Variants in MICAL2 observed in about 807,000 individuals in gnomAD.
MICAL2 encodes [F-actin]-monooxygenase MICAL2.
In MICAL2, 77 loss-of-function variants were observed where a neutral mutation model predicts 127.3. The observed-to-expected ratio is 0.60, with a 90% confidence interval of 0.50 to 0.73. The LOEUF is 0.73. MICAL2 is among the 30% of genes least tolerant of loss of function. The pLI is 0.00. For synonymous variants in MICAL2, 570 were observed against 551.1 expected, an observed-to-expected ratio of 1.03 and a Z score of -0.48; for missense variants, 1,351 against 1,434.4, an observed-to-expected ratio of 0.94 and a Z score of 0.94.
chr11:12,350,073 T>G, intron 33 of MICAL2: 1 of 635,636 alleles, frequency 1.6e-6, no homozygotes, highest in Non-Finnish European at 2.8e-6. Flanking sequence ...AATTGATATT[T>G]TATGTCTTGC....
At chr11:12,322,935 G>A (rs1056277265) in intron 30 of MICAL2, among the ~76,000 whole-genome samples, 2 of 152,058 alleles carry the variant, frequency 1.3e-5, no homozygotes, top group African/African-American at 4.8e-5. Flanking sequence ...TACAAAGTAG[G>A]CAGTAAATTC....
downstream of MICAL2, among the ~76,000 whole-genome samples, chr11:12,264,404 C>T (rs898962166): frequency 1.3e-5 from 2 of 152,162 alleles, no homozygotes; most frequent in African/African-American, 4.8e-5. Context: ...TAGCACCACC[C>T]GAAGTATAGT....
chr11:12,346,513 C>G (rs746203764), intron 32 of MICAL2, among the ~76,000 whole-genome samples: 1 of 152,220 alleles, frequency 6.6e-6, no homozygotes, highest in Non-Finnish European at 1.5e-5. Flanking sequence ...GTACATACTT[C>G]ATTCTTTCAT....
intron 1 of MICAL2, among the ~76,000 whole-genome samples, chr11:12,117,993 G>C (rs116000733): frequency 6.6e-6 from 1 of 152,296 alleles, no homozygotes; most frequent in South Asian, 2.1e-4. Context: ...GGTCCATGTC[G>C]GGAGAGCTTC....
chr11:12,219,528 CAAAAAAAAAAA>C (rs11316414), intron 8 of MICAL2, among the ~76,000 whole-genome samples: 8 of 48,606 alleles, frequency 1.6e-4, no homozygotes, highest in Admixed American at 2.9e-4. Flanking sequence ...AACTCCATCT[CAAAAAAAAAAA>C]AAAAAAAAAA....
At chr11:12,294,220 G>T, downstream of MICAL2, 1 of 1,614,056 alleles carries the variant, frequency 6.2e-7, no homozygotes, top group East Asian at 2.2e-5. Context: ...AGCGAAACGT[G>T]CCTCCACCCA....
chr11:12,229,582 A>G (rs897895234), intron 15 of MICAL2, among the ~76,000 whole-genome samples: 1 of 152,168 alleles, frequency 6.6e-6, no homozygotes, highest in African/African-American at 2.4e-5. Context: ...TGGCCCTCAG[A>G]GGGAACTGGA....
intron 26 of MICAL2, chr11:12,261,687 G>T: frequency 1.0e-6 from 1 of 985,410 alleles, no homozygotes; most frequent in Non-Finnish European, 1.2e-6. Flanking sequence ...CTATGGGGCG[G>T]GAAGAAGGAG....
Position 12,223,513 on chromosome 11 carries a change from TC to T in MICAL2, c.1540+14del. 1 of 1,611,294 alleles carries T rather than the reference TC, an allele frequency of 6.2e-7. No individual in the cohort carries two copies. Among genetic ancestry groups the T allele is most frequent in the Non-Finnish European group, 8.5e-7 (1 of 1,178,098 alleles). The stretch of plus-strand genomic sequence containing the variant: ...CCTCTCCAGGAAGGGTAAGCGGCCC[TC>T]CTGGGACCCTGGTGGGTGGCTGGGA... On this transcript the variant is annotated intron_variant, in intron 12 of 27. Coordinates refer to ENST00000683283, the MANE Select transcript of MICAL2 (RefSeq NM_001282663.2).
chr11:12,263,812 G>A (rs117938209), downstream of MICAL2: 845 of 152,552 alleles, frequency 5.5e-3, 9 homozygotes, highest in East Asian at 0.033. Flanking sequence ...CTTCTTTGCC[G>A]TGGAAGCTTC....
At chr11:12,334,609 A>ACC (rs1206258567) in intron 32 of MICAL2, among the ~76,000 whole-genome samples, 2 of 22,888 alleles carry the variant, frequency 8.7e-5, no homozygotes, top group East Asian at 1.4e-3. Flanking sequence ...CCCTCCCCCC[A>ACC]CCCCCCCACA....
At chr11:12,330,805 C>CAGAGAGAGAGAGAGAGAGAG (rs1213406245) in intron 32 of MICAL2, among the ~76,000 whole-genome samples, 2 of 42,922 alleles carry the variant, frequency 4.7e-5, no homozygotes, top group Admixed American at 2.5e-4. Flanking sequence ...GAGAGAGAGA[C>CAGAGAGAGAGAGAGAGAGAG]AGAGAGAGAG....
chr11:12,360,061 G>C (rs1939184654), downstream of MICAL2, among the ~76,000 whole-genome samples: 1 of 150,698 alleles, frequency 6.6e-6, no homozygotes, highest in South Asian at 2.1e-4. Context: ...CTATGTTATA[G>C]CAAGTTCCAA....
chr11:12,358,003 G>A (rs1939154771), intron 34 of MICAL2, among the ~76,000 whole-genome samples: 2 of 152,160 alleles, frequency 1.3e-5, no homozygotes, highest in Admixed American at 1.3e-4. Flanking sequence ...GCAGAGGGAA[G>A]GTTGGGGGAT....
chr11:12,170,503 G>A (rs1215902480), intron 3 of MICAL2, among the ~76,000 whole-genome samples: 1 of 152,176 alleles, frequency 6.6e-6, no homozygotes, highest in Non-Finnish European at 1.5e-5. Context: ...TGTTCTTTAA[G>A]AGAAGAACAC....
chr11:12,150,030 G>T (rs1337096437), intron 2 of MICAL2, among the ~76,000 whole-genome samples: 1 of 152,134 alleles, frequency 6.6e-6, no homozygotes, highest in Admixed American at 6.5e-5. Context: ...GCACCGGGTG[G>T]CCTGTGAGGA....
In MICAL2 at chr11:12,143,694, C is replaced by T. The variant is rs2069093; in HGVS notation, c.-78+5234C>T. 8.2e-3 allele frequency among the ~76,000 whole-genome samples: 1,256 copies of T among 152,270 alleles called. 28 individuals carry two copies. The highest frequency in any genetic ancestry group is 0.028 in the African/African-American group (1,166 of 41,548). ...TAGCAAACACCCTTGTGAGTTCCTG[C>T]GCAGATTGACTCTCCAGGGATCATT... On this transcript the variant is annotated intron_variant, in intron 2 of 27. Transcript: ENST00000683283.
chr11:12,223,682 G>A (rs546701974), intron 12 of MICAL2, among the ~76,000 whole-genome samples, 181 bp downstream of exon 12: 2 of 152,296 alleles, frequency 1.3e-5, no homozygotes, highest in South Asian at 4.2e-4. Context: ...GAGACCAAGA[G>A]AACCCCTGCC....
chr11:12,315,567 T>C (rs1273533928), intron 29 of MICAL2, among the ~76,000 whole-genome samples: 1 of 152,018 alleles, frequency 6.6e-6, no homozygotes, highest in Admixed American at 6.6e-5. Flanking sequence ...CGTTATTAAT[T>C]TCTAATTTCT....
Sources: allele counts gnomAD v4.1 joint callset (sites outside exome capture counted in the v4.1 genomes callset), GRCh38; gene constraint gnomAD v4.1.1; transcripts MANE v1.5; gene names NCBI Gene and HGNC (gene_info 2026-07-23, HGNC 2026-07-21).